GNB5: variants seen among roughly 807,000 people sequenced by gnomAD.
GNB5 encodes G protein subunit beta 5.
In GNB5, 37 loss-of-function variants were observed where a neutral mutation model predicts 55.3. The ratio of observed to expected loss-of-function variants is 0.67; its 90% CI spans 0.51 to 0.88. The LOEUF (loss-of-function observed/expected upper bound fraction) is 0.88. GNB5 is among the 40% of genes least tolerant of loss of function. The pLI is 0.00. For synonymous variants in GNB5, 219 were observed against 198.5 expected, an observed-to-expected ratio of 1.10 and a Z score of -0.87; for missense variants, 476 against 515.3, an observed-to-expected ratio of 0.92 and a Z score of 0.74.
chr15:52,147,498 G>T lies in GNB5; in HGVS notation c.455C>A (p.Ala152Glu). 6.2e-7 allele frequency: 1 copy of T among 1,607,704 alleles called. No homozygotes were observed. Among genetic ancestry groups the T allele is most frequent in the Non-Finnish European group, 8.5e-7 (1 of 1,174,544 alleles). Residue 152 changes from alanine to glutamate, a missense_variant, in exon 6 of 13, where the codon GCA becomes GAA. Coordinates refer to ENST00000261837, the MANE Select transcript of GNB5 (RefSeq NM_016194.4). ...AVTMPCTWVM[A>E]CAYAPSGCAI... is the part of the protein sequence containing the mutation. The stretch of plus-strand genomic sequence containing the variant: ...ACATCCCGATGGGGCATAAGCACAT[G>T]CCATCACCCACGTGCAGGGCATGGT...
Position 52,174,925 on chromosome 15 carries a change from T to C in GNB5, c.238+4843A>G, listed in dbSNP as rs566085919. Among the ~76,000 whole-genome samples the C allele has an allele frequency of 3.3e-5, 5 of 152,024 alleles. No individual in the cohort carries two copies. In the South Asian group the frequency reaches 8.3e-4, roughly 25 times the overall value. ...AGCAAAACCCCATCTCTCCTAAAAATACAAAAATTAGCTGGGCGAGATGGT... is the reference window on the plus strand; with the variant it reads ...AGCAAAACCCCATCTCTCCTAAAAACACAAAAATTAGCTGGGCGAGATGGT... On this transcript the variant is annotated intron_variant, in intron 3 of 12. Coordinates refer to ENST00000261837, the MANE Select transcript of GNB5 (RefSeq NM_016194.4).
At chr15:52,149,756 C>G (rs780523016) in intron 5 of GNB5, 128 bp downstream of exon 5, 5 of 745,092 alleles carry the variant, frequency 6.7e-6, no homozygotes, top group Non-Finnish European at 7.3e-6. Context: ...GGTTTCCATC[C>G]GTAGAGGCAA....
At chr15:52,127,802 G>C (rs2033465723) in intron 10 of GNB5, among the ~76,000 whole-genome samples, 1 of 132,708 alleles carries the variant, frequency 7.5e-6, no homozygotes, top group African/African-American at 3.4e-5. Flanking sequence ...ACTTATAGTA[G>C]TGTTTTTAAC....
intron 3 of GNB5, among the ~76,000 whole-genome samples, chr15:52,176,022 C>T (rs182036436): frequency 3.9e-4 from 59 of 152,218 alleles, no homozygotes; most frequent in East Asian, 3.9e-3. Flanking sequence ...GCACTCCAGC[C>T]TGGGCAACAG....
chr15:52,176,509 C>A (rs577446772), intron 3 of GNB5, among the ~76,000 whole-genome samples: 1 of 152,162 alleles, frequency 6.6e-6, no homozygotes, highest in Non-Finnish European at 1.5e-5. Context: ...GGGACAAACA[C>A]ACTTAGGAAG....
At chr15:52,123,699 C>T (rs28492876) in intron 12 of GNB5, 38,006 of 151,836 alleles carry the variant, frequency 0.25, 6,460 homozygotes, top group African/African-American at 0.49. Flanking sequence ...CATGCCACCA[C>T]GCCTGGCTGA....
chr15:52,130,253 G>C (rs1282927577), intron 9 of GNB5, among the ~76,000 whole-genome samples: 2 of 152,136 alleles, frequency 1.3e-5, no homozygotes, highest in Non-Finnish European at 2.9e-5. Flanking sequence ...GTATAACCAA[G>C]GGCATGCTAA....
chr15:52,156,722 G>A (rs1233594924), intron 3 of GNB5, among the ~76,000 whole-genome samples: 1 of 152,024 alleles, frequency 6.6e-6, no homozygotes, highest in African/African-American at 2.4e-5. Context: ...CTCCAGCCTG[G>A]GTGACAGAGC....
intron 3 of GNB5, chr15:52,162,948 T>C (rs536851940): frequency 3.9e-4 from 59 of 152,246 alleles, no homozygotes; most frequent in African/African-American, 1.3e-3. Flanking sequence ...GAGAACGGAA[T>C]GGCGAGTGAA....
At chr15:52,189,333 C>T (rs920926219) in intron 1 of GNB5, among the ~76,000 whole-genome samples, 3 of 152,250 alleles carry the variant, frequency 2.0e-5, no homozygotes, top group African/African-American at 7.2e-5. Flanking sequence ...CGTGGTGGCT[C>T]ATGCCTGTAA....
At chr15:52,168,351 G>A (rs991768872) in intron 3 of GNB5, among the ~76,000 whole-genome samples, 2 of 152,078 alleles carry the variant, frequency 1.3e-5, no homozygotes, top group African/African-American at 4.8e-5. Flanking sequence ...GCCAAATCAT[G>A]AGTGAACTCC....
intron 3 of GNB5, among the ~76,000 whole-genome samples, chr15:52,168,037 A>G (rs2034483570): frequency 6.6e-6 from 1 of 152,144 alleles, no homozygotes; most frequent in Non-Finnish European, 1.5e-5. Context: ...ACAAACCTAC[A>G]CCGAATATCA....
chr15:52,149,533 G>T, intron 5 of GNB5: 1 of 566,138 alleles, frequency 1.8e-6, no homozygotes, highest in East Asian at 2.9e-5. Flanking sequence ...AAAGAGAGGG[G>T]AGAGAGAATG....
chr15:52,136,476 T>C lies in GNB5; in HGVS notation c.628-720A>G, dbSNP rs147174301. 4.3e-3 allele frequency among the ~76,000 whole-genome samples: 651 copies of C among 152,272 alleles called. 4 individuals are homozygous for C. The highest frequency in any genetic ancestry group is 5.5e-3 in the Non-Finnish European group (373 of 68,024). On this transcript the variant is annotated intron_variant, in intron 7 of 12. Transcript: ENST00000261837. ...TACACATCACTGGGCTGCTTGCTAATAGAGTCTGGGGTGGGGCCTGAGCGT... is the reference window on the plus strand; with the variant it reads ...TACACATCACTGGGCTGCTTGCTAACAGAGTCTGGGGTGGGGCCTGAGCGT...
At chr15:52,148,995 C>A (rs145005784) in intron 5 of GNB5, among the ~76,000 whole-genome samples, 3 of 152,338 alleles carry the variant, frequency 2.0e-5, no homozygotes, top group African/African-American at 7.2e-5. Context: ...CCAGAAGGTG[C>A]TGAGAGAGAT....
At chr15:52,168,749 T>G (rs958003822) in intron 3 of GNB5, among the ~76,000 whole-genome samples, 1 of 152,066 alleles carries the variant, frequency 6.6e-6, no homozygotes, top group Non-Finnish European at 1.5e-5. Flanking sequence ...CCAAAACAGC[T>G]GGGTACTGGT....
intron 3 of GNB5, among the ~76,000 whole-genome samples, chr15:52,165,473 G>A (rs768647811): frequency 3.2e-4 from 49 of 151,982 alleles, no homozygotes; most frequent in Admixed American, 1.0e-3. Context: ...AAAAGCAAAG[G>A]GAAGCCCGCC....
At chr15:52,128,664 G>T (rs865856345) in intron 9 of GNB5, 12 of 473,442 alleles carry the variant, frequency 2.5e-5, no homozygotes, top group African/African-American at 2.0e-4. Context: ...TTTGGCAAAT[G>T]ACTTCCTCTT....
chr15:52,153,811 AT>A, intron 4 of GNB5, 128 bp downstream of exon 4: 1 of 761,682 alleles, frequency 1.3e-6, no homozygotes, highest in Non-Finnish European at 2.1e-6. Context: ...TTTATGCTAA[AT>A]CACATCCTTT....
Sources: allele counts gnomAD v4.1 joint callset (sites outside exome capture counted in the v4.1 genomes callset), GRCh38; gene constraint gnomAD v4.1.1; transcripts MANE v1.5; gene names NCBI Gene and HGNC (gene_info 2026-07-23, HGNC 2026-07-21).